Variants in TTC28 observed in about 807,000 individuals in gnomAD.
TTC28 encodes the protein tetratricopeptide repeat domain 28.
A neutral mutation model predicts 198.0 loss-of-function variants in TTC28; 61 were observed. That is an observed-to-expected ratio of 0.31 (90% CI 0.25 to 0.38). The LOEUF (loss-of-function observed/expected upper bound fraction) is 0.38, where lower values mean the gene tolerates loss of function less well. Among genes scored for constraint, TTC28 ranks in the 10% least tolerant of loss-of-function variants. The probability of loss-of-function intolerance (pLI) is 1.00; values close to 1 mark genes in which losing one functional copy is unlikely to be tolerated. For missense variants in TTC28, 2,678 were observed against 3,164.0 expected, an observed-to-expected ratio of 0.85 and a Z score of 3.69; for synonymous variants, 1,171 against 1,297.8, an observed-to-expected ratio of 0.90 and a Z score of 2.10.
At chr22:28,124,053 C>T (rs528990277) in intron 6 of TTC28, among the ~76,000 whole-genome samples, 2 of 152,264 alleles carry the variant, frequency 1.3e-5, no homozygotes, top group Admixed American at 1.3e-4. Context: ...GGATGCCAAA[C>T]TTTTATACAT....
intron 6 of TTC28, among the ~76,000 whole-genome samples, chr22:28,145,029 T>C (rs1210990024): frequency 6.6e-6 from 1 of 152,218 alleles, no homozygotes; most frequent in Non-Finnish European, 1.5e-5. Flanking sequence ...GTCACCTCAC[T>C]TTGAAGCCAC....
Position 28,407,469 on chromosome 22 carries a change from TGC to T in TTC28, c.382-100828_382-100827del, listed in dbSNP as rs575400782. Among the ~76,000 whole-genome samples the T allele has an allele frequency of 2.2e-4, 31 of 139,912 alleles. 1 individual carries two copies. The highest frequency in any genetic ancestry group is 8.3e-5 in the African/African-American group (3 of 36,280). 91.8% of individuals were successfully genotyped at this position (139,912 alleles called of 152,430 possible). A position where few individuals can be genotyped will look rare whatever the true frequency, so the allele number is the denominator to read the frequency against. On this transcript the variant is annotated intron_variant, in intron 2 of 22. Transcript: ENST00000397906. ...ACATACACATATACACACACATGCG[TGC>T]GCACACACACACACACACACACACA...
chr22:28,023,235 A>T (rs1938684770), intron 13 of TTC28, among the ~76,000 whole-genome samples: 1 of 152,198 alleles, frequency 6.6e-6, no homozygotes, highest in Non-Finnish European at 1.5e-5. Context: ...GAGCCACGGC[A>T]GCAGTTGGTG....
At chr22:28,640,060 A>G (rs547438507) in intron 1 of TTC28, among the ~76,000 whole-genome samples, 168 of 152,242 alleles carry the variant, frequency 1.1e-3, no homozygotes, top group African/African-American at 3.8e-3. Context: ...TAATCCCAGC[A>G]ATTTTGGAGG....
At chr22:28,535,712 G>A (rs940551858) in intron 2 of TTC28, among the ~76,000 whole-genome samples, 11 of 151,958 alleles carry the variant, frequency 7.2e-5, no homozygotes, top group African/African-American at 2.7e-4. Context: ...TCTTGTGATG[G>A]ACTTCTCACA....
At chr22:28,267,074 C>T (rs1260362939) in intron 5 of TTC28, among the ~76,000 whole-genome samples, 1 of 152,112 alleles carries the variant, frequency 6.6e-6, no homozygotes, top group Non-Finnish European at 1.5e-5. Context: ...TATTGAATTG[C>T]TAGGATTATA....
At chr22:28,452,060 C>G (rs993698543) in intron 2 of TTC28, among the ~76,000 whole-genome samples, 1 of 151,912 alleles carries the variant, frequency 6.6e-6, no homozygotes, top group African/African-American at 2.4e-5. Context: ...AAGAAAGATG[C>G]TTGAAGTGGG....
intron 1 of TTC28, among the ~76,000 whole-genome samples, chr22:28,640,286 T>A (rs1478189794): frequency 5.6e-5 from 4 of 71,642 alleles, no homozygotes; most frequent in Admixed American, 1.9e-4. Flanking sequence ...ATCCCCAAAA[T>A]CAACTATAGA....
intron 21 of TTC28, among the ~76,000 whole-genome samples, chr22:27,988,631 C>T (rs376525814): frequency 1.3e-5 from 2 of 152,158 alleles, no homozygotes; most frequent in African/African-American, 2.4e-5. Context: ...CCATGTCTGA[C>T]AGCTCATCCA....
chr22:28,096,628 C>T (rs1941983226), intron 10 of TTC28, among the ~76,000 whole-genome samples: 1 of 152,136 alleles, frequency 6.6e-6, no homozygotes, highest in Admixed American at 6.5e-5. Context: ...AGCCATCAGA[C>T]CTTCGCCTGT....
intron 1 of TTC28, among the ~76,000 whole-genome samples, chr22:28,673,957 T>C (rs1005333507): frequency 6.6e-6 from 1 of 152,104 alleles, no homozygotes; most frequent in Admixed American, 6.5e-5. Context: ...CCATGAAATT[T>C]AATGAAAAAA....
chr22:28,485,048 C>A (rs2048299430), intron 2 of TTC28, among the ~76,000 whole-genome samples: 1 of 152,132 alleles, frequency 6.6e-6, no homozygotes. Context: ...AGGTTACCAT[C>A]CCTTCAACTG....
chr22:28,370,389 T>C (rs767234716), intron 2 of TTC28, among the ~76,000 whole-genome samples: 2 of 152,206 alleles, frequency 1.3e-5, no homozygotes, highest in Non-Finnish European at 2.9e-5. Context: ...CAAACCTCTA[T>C]AAATAGCACC....
intron 2 of TTC28, among the ~76,000 whole-genome samples, chr22:28,524,311 T>C (rs1197010476): frequency 6.6e-6 from 1 of 150,512 alleles, no homozygotes; most frequent in Non-Finnish European, 1.5e-5. Context: ...CAAAAACAAA[T>C]TGGCCGGGCA....
chr22:28,159,051 TCAAA>T (rs1234196019), intron 6 of TTC28, among the ~76,000 whole-genome samples: 4 of 152,110 alleles, frequency 2.6e-5, no homozygotes, highest in Non-Finnish European at 4.4e-5. Context: ...TATAAGGCAC[TCAAA>T]CAATCTACAG....
intron 12 of TTC28, among the ~76,000 whole-genome samples, chr22:28,075,315 T>A (rs995050751): frequency 6.6e-6 from 1 of 151,920 alleles, no homozygotes; most frequent in African/African-American, 2.4e-5. Flanking sequence ...ACAAGACGAG[T>A]CTACAGTGTG....
At chr22:28,516,340 A>G (rs116561326) in intron 2 of TTC28, among the ~76,000 whole-genome samples, 1,727 of 152,306 alleles carry the variant, frequency 0.011, 50 homozygotes, top group African/African-American at 0.04. Context: ...TAAAAATGTA[A>G]AACACAAGAA....
At chr22:28,376,861 G>T (rs1352241898) in intron 2 of TTC28, among the ~76,000 whole-genome samples, 1 of 152,078 alleles carries the variant, frequency 6.6e-6, no homozygotes, top group Non-Finnish European at 1.5e-5. Context: ...AGCACATCCA[G>T]GTGAGAAAAC....
At chr22:28,626,722 T>C (rs2051082266) in intron 2 of TTC28, among the ~76,000 whole-genome samples, 1 of 152,056 alleles carries the variant, frequency 6.6e-6, no homozygotes, top group Non-Finnish European at 1.5e-5. Flanking sequence ...ACTCTATATT[T>C]TATATACTTT....
Sources: allele counts gnomAD v4.1 joint callset (sites outside exome capture counted in the v4.1 genomes callset), GRCh38; gene constraint gnomAD v4.1.1; transcripts MANE v1.5; gene names NCBI Gene and HGNC (gene_info 2026-07-23, HGNC 2026-07-21).